MEF2A: variants seen among roughly 807,000 people sequenced by gnomAD.
MEF2A encodes myocyte enhancer factor 2A.
A neutral mutation model predicts 55.8 loss-of-function variants in MEF2A; 28 were observed. The observed-to-expected ratio is 0.50, with a 90% CI of 0.37 to 0.69. The LOEUF is 0.69. Among genes scored for constraint, MEF2A ranks in the 30% least tolerant of loss-of-function variants. MEF2A has a pLI of 0.00. For synonymous variants in MEF2A, 239 were observed against 227.1 expected (o/e 1.05, Z -0.47); for missense variants, 528 against 626.2 (o/e 0.84, Z 1.67).
chr15:99,617,755 A>G (rs2040453281), intron 2 of MEF2A, among the ~76,000 whole-genome samples: 1 of 152,058 alleles, frequency 6.6e-6, no homozygotes, highest in African/African-American at 2.4e-5. Flanking sequence ...ATTGCCCATA[A>G]CTATTAGCAT....
chr15:99,595,441 C>CTA (rs1425352609), intron 1 of MEF2A, among the ~76,000 whole-genome samples: 1 of 151,986 alleles, frequency 6.6e-6, no homozygotes, highest in African/African-American at 2.4e-5. Flanking sequence ...TCACCTTGTA[C>CTA]TATAGGTCTC....
At chr15:99,675,375 G>A in intron 6 of MEF2A, 24 bp from the exon 7 acceptor site, 1 of 1,608,998 alleles carries the variant, frequency 6.2e-7, no homozygotes, top group East Asian at 2.2e-5. Flanking sequence ...TCTGCCCTCT[G>A]TCTTCTCTCC....
chr15:99,705,790 A>G (rs1025362556), intron 9 of MEF2A, among the ~76,000 whole-genome samples: 1 of 152,132 alleles, frequency 6.6e-6, no homozygotes, highest in African/African-American at 2.4e-5. Flanking sequence ...TTTGGCTCAG[A>G]CCCCCGAATG....
At chr15:99,672,236 C>A (rs937241540) in intron 5 of MEF2A, among the ~76,000 whole-genome samples, 3 of 152,180 alleles carry the variant, frequency 2.0e-5, no homozygotes, top group Admixed American at 1.3e-4. Context: ...TACCACCAGA[C>A]TTTTGTTCTT....
chr15:99,675,551 T>A, intron 7 of MEF2A, 93 bp downstream of exon 7: 1 of 1,149,600 alleles, frequency 8.7e-7, no homozygotes, highest in Non-Finnish European at 1.3e-6. Flanking sequence ...CTGGGAAATT[T>A]CCTTCTGAAG....
At chr15:99,627,419 CAAAAAAAAAAAA>C (rs139658538) in intron 2 of MEF2A, among the ~76,000 whole-genome samples, 8 of 43,056 alleles carry the variant, frequency 1.9e-4, no homozygotes, top group East Asian at 1.8e-3. Flanking sequence ...GACTTTATCT[CAAAAAAAAAAAA>C]AAAAAAAAAA....
chr15:99,706,626 A>T, intron 9 of MEF2A, 103 bp from the exon 10 acceptor site: 1 of 1,290,480 alleles, frequency 7.7e-7, no homozygotes, highest in Non-Finnish European at 1.1e-6. Flanking sequence ...TCAGAAAATG[A>T]CATTCATATG....
At chr15:99,628,414 G>C (rs1372646419) in intron 2 of MEF2A, among the ~76,000 whole-genome samples, 1 of 151,950 alleles carries the variant, frequency 6.6e-6, no homozygotes, top group Non-Finnish European at 1.5e-5. Context: ...TAAAAATTGA[G>C]GTTTAGTTTA....
At chr15:99,578,828 A>G (rs1965111786) in intron 1 of MEF2A, among the ~76,000 whole-genome samples, 1 of 152,258 alleles carries the variant, frequency 6.6e-6, no homozygotes, top group African/African-American at 2.4e-5. Flanking sequence ...AAGGATTGGA[A>G]CTTAAACCTG....
intron 3 of MEF2A, among the ~76,000 whole-genome samples, chr15:99,642,087 A>G (rs1485039776): frequency 6.6e-6 from 1 of 151,886 alleles, no homozygotes; most frequent in Non-Finnish European, 1.5e-5. Context: ...GAAAATGTTT[A>G]TTGTCTTTAT....
In MEF2A at chr15:99,598,479, C is replaced by CT. The variant is rs1971971827; in HGVS notation, c.-174dup. The CT allele has an allele frequency of 6.6e-6, 1 of 152,048 alleles. No homozygotes were observed. The highest frequency in any genetic ancestry group is 6.6e-5 in the Admixed American group (1 of 15,258). The allele number at this position is 152,048 out of a possible 1,614,324, so 9.4% of individuals were successfully genotyped here. A position where few individuals can be genotyped will look rare whatever the true frequency, so the allele number is the denominator to read the frequency against. ...CAAGAATTTTCTGCAAGGATCATAT[C>CT]TAAGTGCACTTTTTGCTGATACTTC... is the stretch of plus-strand genomic sequence containing the variant. On this transcript the variant is annotated 5_prime_UTR_variant, in exon 2 of 12. Transcript: ENST00000557942.
intron 9 of MEF2A, among the ~76,000 whole-genome samples, chr15:99,706,366 C>T (rs1476704941): frequency 6.6e-6 from 1 of 152,164 alleles, no homozygotes; most frequent in African/African-American, 2.4e-5. Flanking sequence ...ATGACCTTTG[C>T]CATCATCAGG....
intron 8 of MEF2A, among the ~76,000 whole-genome samples, chr15:99,699,079 A>C (rs1194023079): frequency 6.6e-6 from 1 of 151,634 alleles, no homozygotes; most frequent in Non-Finnish European, 1.5e-5. Context: ...AACAAAAAAA[A>C]CTTGCTGTAC....
chr15:99,583,030 A>G (rs778107685), intron 1 of MEF2A, among the ~76,000 whole-genome samples: 2 of 152,138 alleles, frequency 1.3e-5, no homozygotes, highest in Non-Finnish European at 2.9e-5. Flanking sequence ...TTTTCTTTTA[A>G]GATTCAAACT....
chr15:99,687,084 CTT>C (rs71149484), intron 7 of MEF2A, among the ~76,000 whole-genome samples: 2 of 67,754 alleles, frequency 3.0e-5, no homozygotes, highest in Admixed American at 2.2e-4. Flanking sequence ...ATTAATTTTT[CTT>C]TTTTTTTTTT....
chr15:99,621,914 C>T (rs757088742), intron 2 of MEF2A, among the ~76,000 whole-genome samples: 1 of 152,044 alleles, frequency 6.6e-6, no homozygotes, highest in Admixed American at 6.6e-5. Context: ...ATGGGGTGTT[C>T]TGATGAACTC....
At chr15:99,589,108 C>T (rs1164294293) in intron 1 of MEF2A, among the ~76,000 whole-genome samples, 2 of 152,178 alleles carry the variant, frequency 1.3e-5, no homozygotes, top group African/African-American at 2.4e-5. Flanking sequence ...TCCTCTCCTT[C>T]TGTTTCCTGA....
At chr15:99,625,550 C>T (rs111986119) in intron 2 of MEF2A, among the ~76,000 whole-genome samples, 3,391 of 152,154 alleles carry the variant, frequency 0.022, 40 homozygotes, top group Non-Finnish European at 0.034. Flanking sequence ...CGTATCTCAT[C>T]CCTGATCTTA....
chr15:99,619,408 C>T (rs2040762002), intron 2 of MEF2A, among the ~76,000 whole-genome samples: 1 of 152,148 alleles, frequency 6.6e-6, no homozygotes, highest in African/African-American at 2.4e-5. Context: ...CATCTGCGAC[C>T]TTGGCGGGGT....
Sources: allele counts gnomAD v4.1 joint callset (sites outside exome capture counted in the v4.1 genomes callset), GRCh38; gene constraint gnomAD v4.1.1; transcripts MANE v1.5; gene names NCBI Gene and HGNC (gene_info 2026-07-23, HGNC 2026-07-21).